Variants in NOL4 observed in about 807,000 individuals in gnomAD.
NOL4 encodes the protein nucleolar protein 4, also known as cancer/testis antigen 125.
NOL4 carries 17 observed loss-of-function variants against 75.9 expected under a neutral mutation model. The ratio of observed to expected loss-of-function variants is 0.22; its 90% CI spans 0.15 to 0.34. The LOEUF is 0.34. NOL4 is among the 10% of genes least tolerant of loss of function. The pLI, the probability that NOL4 is intolerant of heterozygous loss-of-function variation, is 1.00. For synonymous variants in NOL4, 292 were observed against 289.9 expected, an observed-to-expected ratio of 1.01 and a Z score of -0.07; for missense variants, 614 against 793.5, an observed-to-expected ratio of 0.77 and a Z score of 2.72.
At chr18:33,980,145 A>G (rs955222202) in intron 6 of NOL4, among the ~76,000 whole-genome samples, 1 of 152,060 alleles carries the variant, frequency 6.6e-6, no homozygotes, top group African/African-American at 2.4e-5. Context: ...TCAAAAAATC[A>G]GACAGACAAA....
At chr18:34,119,089 G>A (rs2079997137) in intron 2 of NOL4, among the ~76,000 whole-genome samples, 1 of 152,068 alleles carries the variant, frequency 6.6e-6, no homozygotes. Flanking sequence ...CTTTAATCAG[G>A]ACTCAAAAAG....
intron 5 of NOL4, among the ~76,000 whole-genome samples, chr18:34,022,060 C>T (rs951321417): frequency 3.3e-5 from 5 of 151,084 alleles, no homozygotes; most frequent in South Asian, 2.1e-4. Context: ...GCTGAAATCG[C>T]GCCATTGCAC....
intron 5 of NOL4, among the ~76,000 whole-genome samples, chr18:34,081,288 T>C (rs987781107): frequency 1.3e-5 from 2 of 152,196 alleles, no homozygotes; most frequent in African/African-American, 2.4e-5. Flanking sequence ...GCATTTTATT[T>C]TGAAAAGTTT....
In NOL4 at chr18:34,019,409, T is replaced by C. The variant is rs755916763; in HGVS notation, c.965A>G (p.Asp322Gly). Residue 322 changes from aspartate (D) to glycine (G), a missense_variant, in exon 6 of 11, where the codon GAT becomes GGT. Asp to Gly is a moderately conservative substitution (Grantham distance 94). Transcript: ENST00000261592. ...SAQLTSEYRI[D>G]DHNSNGKNKY... Reference sequence around the variant, plus strand: ...GTTTTTCCCATTACTGTTGTGATCATCTATTCTGTATTCCGAAGTTAGCTG... The same window carrying C: ...GTTTTTCCCATTACTGTTGTGATCACCTATTCTGTATTCCGAAGTTAGCTG... 1 of 1,613,904 alleles carries C rather than the reference T, an allele frequency of 6.2e-7. No homozygotes were observed. The highest frequency in any genetic ancestry group is 8.5e-7 in the Non-Finnish European group (1 of 1,179,976).
At chr18:33,949,925 T>C (rs187559456) in intron 8 of NOL4, among the ~76,000 whole-genome samples, 3 of 151,976 alleles carry the variant, frequency 2.0e-5, no homozygotes, top group African/African-American at 7.2e-5. Flanking sequence ...TCAACTAAAT[T>C]AACAACTGAA....
intron 9 of NOL4, among the ~76,000 whole-genome samples, chr18:33,934,992 A>G (rs1210918597): frequency 6.6e-6 from 1 of 151,442 alleles, no homozygotes; most frequent in African/African-American, 2.4e-5. Flanking sequence ...CCAAGTAGCT[A>G]GAACTACAGA....
chr18:34,157,361 G>A (rs1179472899), intron 1 of NOL4, among the ~76,000 whole-genome samples: 1 of 151,980 alleles, frequency 6.6e-6, no homozygotes, highest in Non-Finnish European at 1.5e-5. Flanking sequence ...TGTAAGTAGG[G>A]GCATAGGGTC....
Position 33,852,939 on chromosome 18 carries a change from T to C in NOL4, c.1820A>G (p.Asn607Ser), listed in dbSNP as rs1359987642. ...SRPQLSPTEINAVRQLVAGYR... is the reference protein window; with the variant it reads ...SRPQLSPTEISAVRQLVAGYR... Reference sequence around the variant, plus strand: ...TCCTGCAACAAGCTGTCTCACGGCATTGATTTCAGTTGGACTCAGCTGGGG... The same window carrying C: ...TCCTGCAACAAGCTGTCTCACGGCACTGATTTCAGTTGGACTCAGCTGGGG... Residue 607 changes from asparagine (N) to serine (S), a missense_variant, in exon 11 of 11, where the codon AAT (asparagine) becomes AGT (serine). Physicochemically the swap from Asn to Ser is conservative, Grantham distance 46. Transcript: ENST00000261592. 1.2e-6 allele frequency: 2 copies of C among 1,613,132 alleles called. No individual in the cohort carries two copies. Among genetic ancestry groups the C allele is most frequent in the African/African-American group, 1.3e-5 (1 of 74,848 alleles).
intron 1 of NOL4, among the ~76,000 whole-genome samples, chr18:34,199,852 A>G (rs973355025): frequency 2.0e-5 from 3 of 151,904 alleles, no homozygotes; most frequent in African/African-American, 7.2e-5. Flanking sequence ...ATTGTTTCAC[A>G]TCAAACTCTA....
intron 10 of NOL4, among the ~76,000 whole-genome samples, chr18:33,863,340 G>A (rs899040649): frequency 1.3e-5 from 2 of 152,102 alleles, no homozygotes; most frequent in Admixed American, 6.6e-5. Flanking sequence ...GTTAATGGGT[G>A]CAGCACACCA....
intron 5 of NOL4, among the ~76,000 whole-genome samples, chr18:34,033,025 A>G (rs2075718145): frequency 2.6e-5 from 4 of 152,206 alleles, no homozygotes; most frequent in Admixed American, 2.6e-4. Context: ...GCCCTGCTCA[A>G]CCAACACCAT....
At chr18:34,169,760 A>C (rs1600785903) in intron 1 of NOL4, among the ~76,000 whole-genome samples, 1 of 152,150 alleles carries the variant, frequency 6.6e-6, no homozygotes, top group African/African-American at 2.4e-5. Context: ...AAAAAGAAAA[A>C]TGTTCATCTC....
intron 1 of NOL4, among the ~76,000 whole-genome samples, chr18:34,183,833 A>G (rs9952705): frequency 0.5 from 76,059 of 151,680 alleles, 19,145 homozygotes; most frequent in Admixed American, 0.57. Context: ...GAAGAATGAG[A>G]GAATTTCAGA....
At chr18:33,927,871 A>AG (rs1208151733) in intron 9 of NOL4, among the ~76,000 whole-genome samples, 1 of 152,114 alleles carries the variant, frequency 6.6e-6, no homozygotes, top group Non-Finnish European at 1.5e-5. Flanking sequence ...GGACCACACG[A>AG]GACATGTCAC....
intron 9 of NOL4, 124 bp downstream of exon 9, chr18:33,942,941 A>G: frequency 1.6e-6 from 1 of 633,020 alleles, no homozygotes; most frequent in East Asian, 2.7e-5. Context: ...TCATAAGGAC[A>G]CAAAAACTAT....
intron 5 of NOL4, among the ~76,000 whole-genome samples, chr18:34,075,986 T>C (rs2077727665): frequency 6.6e-6 from 1 of 152,108 alleles, no homozygotes; most frequent in Admixed American, 6.6e-5. Context: ...GGGGGGAGTA[T>C]AAATTTTTTA....
intron 5 of NOL4, among the ~76,000 whole-genome samples, chr18:34,042,790 T>C (rs1600369418): frequency 2.0e-5 from 3 of 152,096 alleles, no homozygotes; most frequent in African/African-American, 7.2e-5. Context: ...CACTACCAAC[T>C]TGTCCTCACA....
intron 9 of NOL4, among the ~76,000 whole-genome samples, chr18:33,898,711 CT>C (rs1568030575): frequency 6.6e-6 from 1 of 152,152 alleles, no homozygotes; most frequent in African/African-American, 2.4e-5. Context: ...AATCCTGTTT[CT>C]TTTTTCATAT....
At chr18:34,173,976 G>A (rs1032241396) in intron 1 of NOL4, among the ~76,000 whole-genome samples, 7 of 152,138 alleles carry the variant, frequency 4.6e-5, no homozygotes, top group South Asian at 2.1e-4. Context: ...AATTAATGCC[G>A]ATTCATGATT....
Sources: allele counts gnomAD v4.1 joint callset (sites outside exome capture counted in the v4.1 genomes callset), GRCh38; gene constraint gnomAD v4.1.1; transcripts MANE v1.5; gene names NCBI Gene and HGNC (gene_info 2026-07-23, HGNC 2026-07-21).